KCTD3: variants seen among roughly 807,000 people sequenced by gnomAD.
The protein encoded by KCTD3 is potassium channel tetramerization domain containing 3.
KCTD3 carries 41 observed loss-of-function variants against 85.8 expected under a neutral mutation model. That is an observed-to-expected ratio of 0.48 (90% CI 0.37 to 0.62). The LOEUF (loss-of-function observed/expected upper bound fraction) is 0.62. Among genes scored for constraint, KCTD3 ranks in the 20% least tolerant of loss-of-function variants. KCTD3 has a pLI of 0.00. For missense variants in KCTD3, 724 were observed against 989.9 expected, an observed-to-expected ratio of 0.73 and a Z score of 3.60; for synonymous variants, 338 against 345.4, an observed-to-expected ratio of 0.98 and a Z score of 0.24.
chr1:215,600,208 T>C (rs930891059), intron 10 of KCTD3, among the ~76,000 whole-genome samples: 5 of 152,226 alleles, frequency 3.3e-5, no homozygotes, highest in African/African-American at 1.2e-4. Context: ...TTCTTTGAGA[T>C]ATTTCTTGTG....
In KCTD3 at chr1:215,620,701, C is replaced by T. The variant is rs574439952; in HGVS notation, c.*83C>T. On this transcript the variant is annotated 3_prime_UTR_variant, in exon 18 of 18. Coordinates refer to ENST00000259154, the MANE Select transcript of KCTD3 (RefSeq NM_016121.5). ...GAATTTCAGTACATTAGTTTTTACA[C>T]TAAAACTTTACAAGATAAAATTGGA... The T allele has an allele frequency of 1.1e-6, 1 of 930,898 alleles. No homozygotes were observed. The highest frequency in any genetic ancestry group is 1.7e-5 in the African/African-American group (1 of 60,266). 57.7% of individuals were successfully genotyped at this position (930,898 alleles called of 1,614,324 possible).
rs1295613368 is a variant in KCTD3 at position 215,575,901 on chromosome 1, A to G, written c.184A>G (p.Ile62Val). 4 of 1,514,518 alleles carry G rather than the reference A, an allele frequency of 2.6e-6. No homozygotes were observed. The highest frequency in any genetic ancestry group is 3.6e-6 in the Non-Finnish European group (4 of 1,110,954). 93.8% of individuals were successfully genotyped at this position (1,514,518 alleles called of 1,614,324 possible). ...ISTLRDETGA[I>V]FIDRDPAAFA... ...AATAAAACTGTTCTCTTTTTTACAG[A>G]TATTTATTGATAGAGATCCAGCAGC... The change falls in exon 4 of 18, where the codon ATA becomes GTA. Residue 62 changes from isoleucine to valine, a missense_variant and splice_region_variant. Coordinates refer to ENST00000259154, the MANE Select transcript of KCTD3 (RefSeq NM_016121.5).
chr1:215,595,562 T>C (rs1463903232), intron 10 of KCTD3, 91 bp downstream of exon 10: 1 of 807,954 alleles, frequency 1.2e-6, no homozygotes, highest in Non-Finnish European at 2.0e-6. Flanking sequence ...TCGTACTGTT[T>C]CTGGTTTTGG....
At chr1:215,614,795 T>A (rs1655368354) in intron 15 of KCTD3, among the ~76,000 whole-genome samples, 1 of 152,224 alleles carries the variant, frequency 6.6e-6, no homozygotes, top group African/African-American at 2.4e-5. Flanking sequence ...CATTTTAAAA[T>A]TTTATGGCTG....
intron 7 of KCTD3, 104 bp downstream of exon 7, chr1:215,579,241 T>C: frequency 1.3e-6 from 1 of 791,224 alleles, no homozygotes; most frequent in Non-Finnish European, 2.0e-6. Context: ...TCTCCTTTTT[T>C]ATCCAGATTT....
At chr1:215,573,726 C>A in intron 1 of KCTD3, 60 bp from the exon 2 acceptor site, 1 of 988,318 alleles carries the variant, frequency 1.0e-6, no homozygotes, top group Non-Finnish European at 1.6e-6. Flanking sequence ...AACAAGTTAA[C>A]TAATACTGAA....
At position 215,620,768 on chromosome 1, in the gene KCTD3, A is replaced by G. The variant is rs969107572; in HGVS notation, c.*150A>G. ...TTTAACAGAATTACTTGGAATAATG[A>G]GATACAATAATCATATCTCTTTTGA... On this transcript the variant is annotated 3_prime_UTR_variant, in exon 18 of 18. Transcript: ENST00000259154. 3.5e-6 allele frequency: 2 copies of G among 563,774 alleles called. No individual in the cohort carries two copies. The highest frequency in any genetic ancestry group is 3.7e-5 in the Admixed American group (1 of 27,266). 34.9% of individuals were successfully genotyped at this position (563,774 alleles called of 1,614,324 possible). A position where few individuals can be genotyped will look rare whatever the true frequency, so the allele number is the denominator to read the frequency against.
chr1:215,599,967 A>G (rs932456970), intron 10 of KCTD3, among the ~76,000 whole-genome samples: 1 of 151,722 alleles, frequency 6.6e-6, no homozygotes, highest in African/African-American at 2.4e-5. Context: ...TTTTCCTGCC[A>G]TGAAGAATCT....
rs1293575570 is a variant in KCTD3 at position 215,614,031 on chromosome 1, T to TG, written c.1562+2110_1562+2111insG. Among the ~76,000 whole-genome samples, 441 of 136,292 alleles carry TG rather than the reference T, an allele frequency of 3.2e-3. 3 individuals are homozygous for TG. Among genetic ancestry groups the TG allele is most frequent in the African/African-American group, 0.012 (427 of 34,636 alleles). The allele number at this position is 136,292 out of a possible 152,430, so 89.4% of individuals were successfully genotyped here. ...AACTTTAGAATAGTTTTTTTTTTTT[T>TG]TTTTTTTTTTTTTTTTTAAGAGACA... On this transcript the variant is annotated intron_variant, in intron 15 of 17. Transcript: ENST00000259154.
In KCTD3 at chr1:215,579,136, A is replaced by G. The variant is rs1659702669; in HGVS notation, c.534A>G (p.Leu178=). Residue 178 remains leucine (L), a splice_region_variant and synonymous_variant, in exon 7 of 18, where the codon CTA becomes CTG. Transcript: ENST00000259154. ...LSGTGEETVR[L]GFPVDPRKVL... is the part of the protein sequence containing the mutation. ...GAACGGGAGAAGAAACTGTTAGGCTAGGTAAGCAAAGATTACAGAAATAGA... is the reference window on the plus strand; with the variant it reads ...GAACGGGAGAAGAAACTGTTAGGCTGGGTAAGCAAAGATTACAGAAATAGA... 1.2e-6 allele frequency: 2 copies of G among 1,609,428 alleles called. No individual in the cohort carries two copies. The highest frequency in any genetic ancestry group is 1.7e-6 in the Non-Finnish European group (2 of 1,177,794).
intron 9 of KCTD3, 69 bp from the exon 10 acceptor site, chr1:215,595,287 T>A: frequency 1.1e-6 from 1 of 937,758 alleles, no homozygotes; most frequent in African/African-American, 1.6e-5. Context: ...AAGATGTTTT[T>A]AATCCAGGTT....
At chr1:215,618,406 A>AT (rs373166644) in intron 15 of KCTD3, 115 of 162,804 alleles carry the variant, frequency 7.1e-4, no homozygotes, top group African/African-American at 2.7e-3. Flanking sequence ...TTTTTTGTCT[A>AT]TTTTTTTGAC....
intron 8 of KCTD3, among the ~76,000 whole-genome samples, chr1:215,582,666 A>G (rs887614367): frequency 2.0e-5 from 3 of 152,072 alleles, no homozygotes; most frequent in Non-Finnish European, 4.4e-5. Context: ...GGTTCAAGCA[A>G]TTCTCCCACC....
chr1:215,580,856 TA>T, intron 8 of KCTD3: 4 of 325,300 alleles, frequency 1.2e-5, no homozygotes, highest in African/African-American at 2.3e-5. Context: ...ATTTTTTTTT[TA>T]AAAATCTGAA....
chr1:215,594,000 C>T (rs1660318026), intron 9 of KCTD3, among the ~76,000 whole-genome samples: 1 of 151,786 alleles, frequency 6.6e-6, no homozygotes. Context: ...GCTGGGATTA[C>T]AGGCGTGTGC....
intron 14 of KCTD3, among the ~76,000 whole-genome samples, chr1:215,609,785 G>A (rs1373082198): frequency 6.6e-6 from 1 of 151,908 alleles, no homozygotes; most frequent in Non-Finnish European, 1.5e-5. Context: ...TGAAAACAAA[G>A]ATGAATTCAG....
intron 6 of KCTD3, among the ~76,000 whole-genome samples, chr1:215,578,695 TA>T (rs1659680792): frequency 1.3e-5 from 2 of 152,184 alleles, no homozygotes; most frequent in African/African-American, 4.8e-5. Context: ...ACCTGTACCA[TA>T]ATTGTAAAGA....
Position 215,611,848 on chromosome 1 carries a change from C to A in KCTD3, c.1489C>A (p.Gln497Lys). Residue 497 changes from glutamine (Q) to lysine (K), a missense_variant, in exon 15 of 18, where the codon CAA (glutamine) becomes AAA (lysine). Gln to Lys is a moderately conservative substitution (Grantham distance 53). Around this residue, in one of 6 missense-constraint regions of KCTD3, gnomAD observed 136 missense variants for 197.6 expected, o/e 0.69. Coordinates refer to ENST00000259154, the MANE Select transcript of KCTD3 (RefSeq NM_016121.5). ...DIGPFGERDD[Q>K]QVFIQKVVPI... is the part of the protein sequence containing the mutation. ...AGGACCTTTTGGAGAGCGAGACGAT[C>A]AACAGGTGTTTATCCAGAAAGTTGT... The A allele has an allele frequency of 6.2e-7, 1 of 1,607,184 alleles. No homozygotes were observed. Among genetic ancestry groups the A allele is most frequent in the Non-Finnish European group, 8.5e-7 (1 of 1,175,330 alleles).
intron 1 of KCTD3, among the ~76,000 whole-genome samples, chr1:215,572,696 A>G (rs1378212276): frequency 6.6e-6 from 1 of 152,244 alleles, no homozygotes; most frequent in Non-Finnish European, 1.5e-5. Context: ...GATACAGTGT[A>G]TACATGCACA....
Sources: gnomAD v4.1 joint callset for allele counts (sites outside exome capture counted in the v4.1 genomes callset) on GRCh38, gnomAD v4.1.1 for gene constraint, gnomAD v4.1.1 regional missense constraint, MANE v1.5 for transcripts, NCBI Gene and HGNC (gene_info 2026-07-23, HGNC 2026-07-21) for gene names.